CLDN18: variants seen among roughly 807,000 people sequenced by gnomAD.
The protein encoded by CLDN18 is claudin 18, also known as claudin-18.
CLDN18 carries 20 observed loss-of-function variants against 25.0 expected under a neutral mutation model. The observed-to-expected ratio is 0.80, with a 90% CI of 0.56 to 1.16. The LOEUF (loss-of-function observed/expected upper bound fraction) is 1.16. Ranked by LOEUF, CLDN18 falls within the 50% of genes most tolerant of loss-of-function variation. The pLI, the probability that CLDN18 is intolerant of heterozygous loss-of-function variation, is 0.00. For synonymous variants in CLDN18, 125 were observed against 135.6 expected, an observed-to-expected ratio of 0.92 and a Z score of 0.54; for missense variants, 297 against 345.4, an observed-to-expected ratio of 0.86 and a Z score of 1.11.
In CLDN18 at chr3:138,016,796, G is replaced by A. The variant is rs570869261; in HGVS notation, c.220+6351G>A. Reference sequence around the variant, plus strand: ...GGGCCGGGCTTGGTGGCTCACTCCTGTAATCCCAGCACTTTGGGAGGCCAA... The same window carrying A: ...GGGCCGGGCTTGGTGGCTCACTCCTATAATCCCAGCACTTTGGGAGGCCAA... On this transcript the variant is annotated intron_variant, in intron 1 of 4. Transcript: ENST00000183605. Among the ~76,000 whole-genome samples, 181 of 152,260 alleles carry A rather than the reference G, an allele frequency of 1.2e-3. 1 individual carries two copies. Among genetic ancestry groups the A allele is most frequent in the East Asian group, 2.7e-3 (14 of 5,186 alleles).
chr3:138,000,296 C>A (rs1942002345), intron 1 of CLDN18, among the ~76,000 whole-genome samples: 1 of 152,096 alleles, frequency 6.6e-6, no homozygotes. Flanking sequence ...CTGCAAGACT[C>A]CATCAAGGTA....
At chr3:138,005,703 A>G (rs1228771357), upstream of CLDN18, among the ~76,000 whole-genome samples, 1 of 152,202 alleles carries the variant, frequency 6.6e-6, no homozygotes, top group Non-Finnish European at 1.5e-5. Flanking sequence ...ACTTTCAAAC[A>G]CTGCTGTTAG....
chr3:138,005,137 G>A (rs908380042), intron 1 of CLDN18: 4 of 151,836 alleles, frequency 2.6e-5, no homozygotes, highest in African/African-American at 9.7e-5. Flanking sequence ...AAATCAATGA[G>A]GAAGGAATAC....
At chr3:138,009,239 CACG>C (rs1188660699), upstream of CLDN18, among the ~76,000 whole-genome samples, 3 of 152,214 alleles carry the variant, frequency 2.0e-5, no homozygotes, top group Non-Finnish European at 4.4e-5. Flanking sequence ...CTGCCCAGCA[CACG>C]ACAAGTTAGG....
chr3:138,004,278 A>G lies in CLDN18; in HGVS notation c.220+5190A>G, dbSNP rs1942045829. ...GAGGAAACAGGCACAAAGAGGTTAA[A>G]ATATTTGCCTAATGGCACTGTGGTA... On this transcript the variant is annotated intron_variant, in intron 1 of 4. Coordinates refer to the CLDN18 transcript ENST00000343735. Among the ~76,000 whole-genome samples, 5 of 152,246 alleles carry G rather than the reference A, an allele frequency of 3.3e-5. No homozygotes were observed. The South Asian group carries it at 1.0e-3, about 32-fold the overall frequency.
chr3:137,999,081 G>A, exon 1 of CLDN18: 10 of 1,614,118 alleles, frequency 6.2e-6, no homozygotes, highest in Non-Finnish European at 8.5e-6. Flanking sequence ...CCCTGCTGGG[G>A]CTGCCAGGTA....
intron 3 of CLDN18, among the ~76,000 whole-genome samples, chr3:138,026,872 G>C (rs781602364): frequency 1.2e-4 from 19 of 152,180 alleles, no homozygotes; most frequent in Non-Finnish European, 2.6e-4. Context: ...TTATACGCCA[G>C]AGTTGTCTCA....
At position 138,031,033 on chromosome 3, in the gene CLDN18, G is replaced by C. The variant is rs952715745; in HGVS notation, c.678G>C (p.Lys226Asn). The change falls in exon 5 of 5, where the codon AAG (lysine) becomes AAC (asparagine). Residue 226 changes from lysine (K) to asparagine (N), a missense_variant. Lys to Asn is a moderately conservative substitution (Grantham distance 94). Transcript: ENST00000183605. ...HSVAYKPGGFKASTGFGSNTK... is the reference protein window; with the variant it reads ...HSVAYKPGGFNASTGFGSNTK... ...TTGCCTACAAGCCTGGAGGCTTCAAGGCCAGCACTGGCTTTGGGTCCAACA... is the reference window on the plus strand; with the variant it reads ...TTGCCTACAAGCCTGGAGGCTTCAACGCCAGCACTGGCTTTGGGTCCAACA... The C allele has an allele frequency of 1.2e-6, 2 of 1,614,082 alleles. No homozygotes were observed.
At chr3:137,999,150 C>A in intron 1 of CLDN18, 2 of 1,452,912 alleles carry the variant, frequency 1.4e-6, no homozygotes, top group Non-Finnish European at 1.9e-6. Context: ...AAACTGCAGG[C>A]TCTGTCTGGG....
In CLDN18 at chr3:138,029,929, C is replaced by T. The variant is rs757594351; in HGVS notation, c.614+22C>T. On this transcript the variant is annotated intron_variant, in intron 4 of 4. Transcript: ENST00000183605. Reference sequence around the variant, plus strand: ...CCAAGTGAGTCTCCCTGTTCCGCTGCAACCAGACGTTTTATTTGTTCAGGG... The same window carrying T: ...CCAAGTGAGTCTCCCTGTTCCGCTGTAACCAGACGTTTTATTTGTTCAGGG... 5.0e-6 allele frequency: 7 copies of T among 1,401,372 alleles called. No homozygotes were observed. In the South Asian group the frequency reaches 6.1e-5, roughly 12 times the overall value. The allele number at this position is 1,401,372 out of a possible 1,614,324, so 86.8% of individuals were successfully genotyped here.
At chr3:138,009,811 G>C (rs1317503154), upstream of CLDN18, among the ~76,000 whole-genome samples, 2 of 152,318 alleles carry the variant, frequency 1.3e-5, no homozygotes, top group East Asian at 3.9e-4. Flanking sequence ...CTTCCCAGGG[G>C]CCATCTTAAG....
chr3:138,003,908 A>G (rs984298077), intron 1 of CLDN18, among the ~76,000 whole-genome samples: 1 of 152,198 alleles, frequency 6.6e-6, no homozygotes, highest in African/African-American at 2.4e-5. Context: ...ACGGTGACTC[A>G]CACCTATAAT....
chr3:138,010,494 G>T, intron 1 of CLDN18, 49 bp downstream of exon 1: 3 of 1,606,248 alleles, frequency 1.9e-6, no homozygotes, highest in Non-Finnish European at 2.6e-6. Flanking sequence ...AGGTGAGCAG[G>T]GAAGGGGGCG....
At chr3:137,999,968 T>C (rs1434733552) in intron 1 of CLDN18, among the ~76,000 whole-genome samples, 3 of 152,146 alleles carry the variant, frequency 2.0e-5, no homozygotes, top group Middle Eastern at 3.2e-3. Flanking sequence ...ATTGAAGTCT[T>C]GAGAGGGGCA....
upstream of CLDN18, among the ~76,000 whole-genome samples, chr3:138,009,169 T>A (rs1216439304): frequency 6.6e-6 from 1 of 152,218 alleles, no homozygotes; most frequent in Admixed American, 6.5e-5. Context: ...CTAGTTTAGA[T>A]CTCACATGTT....
chr3:138,010,952 C>A (rs11711292), intron 1 of CLDN18, among the ~76,000 whole-genome samples: 15,520 of 151,866 alleles, frequency 0.1, 971 homozygotes, highest in Non-Finnish European at 0.12. Flanking sequence ...TTATAAATAT[C>A]CTTTTGCTGC....
chr3:138,007,148 C>A (rs1015144942), upstream of CLDN18, among the ~76,000 whole-genome samples: 11 of 152,034 alleles, frequency 7.2e-5, no homozygotes, highest in African/African-American at 2.4e-4. Flanking sequence ...ACCAATAGAG[C>A]TTTTTAAGAA....
intron 1 of CLDN18, among the ~76,000 whole-genome samples, chr3:138,019,303 A>G (rs539088332): frequency 6.6e-6 from 1 of 152,334 alleles, no homozygotes; most frequent in Non-Finnish European, 1.5e-5. Context: ...TGGAATCTCC[A>G]GAGAATCTAG....
chr3:138,015,832 G>A (rs201327636), intron 1 of CLDN18, among the ~76,000 whole-genome samples: 3 of 152,036 alleles, frequency 2.0e-5, no homozygotes, highest in South Asian at 4.1e-4. Context: ...CTTTTCATTC[G>A]TCTGACAAAA....
Sources: gnomAD v4.1 joint callset for allele counts (sites outside exome capture counted in the v4.1 genomes callset) on GRCh38, gnomAD v4.1.1 for gene constraint, MANE v1.5 for transcripts, NCBI Gene and HGNC (gene_info 2026-07-23, HGNC 2026-07-21) for gene names.